The following DNM1 variants were observed in gnomAD, a reference collection of about 807,000 sequenced individuals.
The protein encoded by DNM1 is dynamin-1.
DNM1 carries 29 observed loss-of-function variants against 104.6 expected under a neutral mutation model. The ratio of observed to expected loss-of-function variants is 0.28; its 90% CI spans 0.21 to 0.38. The LOEUF (loss-of-function observed/expected upper bound fraction) is 0.38, where lower values mean the gene tolerates loss of function less well. DNM1 is among the 10% of genes least tolerant of loss of function. DNM1 has a pLI of 1.00. For missense variants in DNM1, 640 were observed against 1,189.4 expected (o/e 0.54, Z 6.79); for synonymous variants, 445 against 475.8 (o/e 0.94, Z 0.84).
At chr9:128,244,343 T>C (rs927771871) in intron 15 of DNM1, among the ~76,000 whole-genome samples, 1 of 151,688 alleles carries the variant, frequency 6.6e-6, no homozygotes, top group African/African-American at 2.4e-5. Context: ...GGGCTGTGAG[T>C]GTCAAGGTGC....
At chr9:128,252,604 G>A (rs1156460957) in intron 21 of DNM1, 1 of 396,778 alleles carries the variant, frequency 2.5e-6, no homozygotes, top group Non-Finnish European at 5.1e-6. Context: ...GCAAGGTGGA[G>A]AACCTTCAAA....
rs1316212573 is a variant in DNM1, at chr9:128,218,630, A to G, written c.284A>G (p.Glu95Gly). 4 of 1,613,682 alleles carry G rather than the reference A, an allele frequency of 2.5e-6. No homozygotes were observed. The South Asian group carries it at 3.3e-5, about 13-fold the overall frequency. The change falls in exon 3 of 22, where the codon GAG becomes GGG. Residue 95 changes from glutamate (E) to glycine (G), a missense_variant. Coordinates refer to ENST00000372923, the MANE Select transcript of DNM1 (RefSeq NM_004408.4). This position sits in a 1 kb window ranked among gnomAD's most constrained non-coding sequence, Gnocchi z 4.8. The part of the protein sequence containing the change: ...HCKGKKFTDF[E>G]EVRLEIEAET... ...AAGGGAAAGAAATTCACCGACTTCG[A>G]GGAGGTGCGCCTTGAGATCGAGGCC...
Position 128,218,775 on chromosome 9 carries a change from T to G in DNM1, c.385+44T>G. 1 of 1,552,534 alleles carries G rather than the reference T, an allele frequency of 6.4e-7. No homozygotes were observed. The highest frequency in any genetic ancestry group is 8.7e-7 in the Non-Finnish European group (1 of 1,146,630). ...CCCTAACCTCTAAGAATCATTTTCT[T>G]GGCCACGCACCTCTGCGTGCCTCGC... On this transcript the variant is annotated intron_variant, in intron 3 of 21. Transcript: ENST00000372923. This position sits in a 1 kb window ranked among gnomAD's most constrained non-coding sequence, Gnocchi z 4.8.
At chr9:128,219,871 G>C (rs558248078) in intron 4 of DNM1, 117 bp from the exon 5 acceptor site, 2 of 677,414 alleles carry the variant, frequency 3.0e-6, no homozygotes, top group Non-Finnish European at 5.0e-6. Flanking sequence ...GGGGGAAAGA[G>C]AGGAGGCAGT....
chr9:128,234,256 CT>C, intron 11 of DNM1, 149 bp downstream of exon 11: 1 of 678,756 alleles, frequency 1.5e-6, no homozygotes, highest in Non-Finnish European at 2.4e-6. Flanking sequence ...CTGCTTCTCT[CT>C]CTTTTTTATT....
At chr9:128,229,103 TA>T (rs1282380446) in intron 10 of DNM1, among the ~76,000 whole-genome samples, 1 of 152,132 alleles carries the variant, frequency 6.6e-6, no homozygotes, top group Non-Finnish European at 1.5e-5. Context: ...ATGCACCCAT[TA>T]AAATGTTTAT....
In DNM1 at chr9:128,245,882, C is replaced by T. The variant is rs760155545; in HGVS notation, c.1672-512C>T. ...GTTGGCACAAACACACAACTACACA[C>T]ATGTTGCACACACAGGCACACCATC... is the stretch of plus-strand genomic sequence containing the variant. On this transcript the variant is annotated intron_variant, in intron 15 of 21. Coordinates refer to ENST00000372923, the MANE Select transcript of DNM1 (RefSeq NM_004408.4). This position sits in a 1 kb window ranked among gnomAD's most constrained non-coding sequence, Gnocchi z 5.2. Among the ~76,000 whole-genome samples the T allele has an allele frequency of 1.6e-4, 25 of 152,242 alleles. No homozygotes were observed. The highest frequency in any genetic ancestry group is 1.3e-3 in the Admixed American group (20 of 15,288).
At chr9:128,234,422 G>A (rs1295949009) in intron 11 of DNM1, among the ~76,000 whole-genome samples, 1 of 152,200 alleles carries the variant, frequency 6.6e-6, no homozygotes, top group Non-Finnish European at 1.5e-5. Flanking sequence ...GAGTGCAGTG[G>A]TGTGATCTCT....
At chr9:128,214,965 TG>T (rs1326551914) in intron 1 of DNM1, among the ~76,000 whole-genome samples, 1 of 152,202 alleles carries the variant, frequency 6.6e-6, no homozygotes, top group Non-Finnish European at 1.5e-5. Context: ...AGGGCTAAAG[TG>T]GGACAGTGTG....
intron 4 of DNM1, 106 bp downstream of exon 4, chr9:128,219,358 A>T (rs1834803210): frequency 9.8e-7 from 1 of 1,018,524 alleles, no homozygotes; most frequent in Non-Finnish European, 1.5e-6. Context: ...CGGTGGGATC[A>T]GATTTGTACC....
rs2131312679 is a variant in DNM1, at chr9:128,254,407, T to G, written c.2535-247T>G. 7.0e-7 allele frequency: 1 copy of G among 1,425,922 alleles called. No individual in the cohort carries two copies. Among genetic ancestry groups the G allele is most frequent in the Admixed American group, 3.0e-5 (1 of 33,622 alleles). 88.3% of individuals were successfully genotyped at this position (1,425,922 alleles called of 1,614,324 possible). A position where few individuals can be genotyped will look rare whatever the true frequency, so the allele number is the denominator to read the frequency against. Reference sequence around the variant, plus strand: ...GTGTGAGAGGCCAGCGTGTGTGGGGTGGGGAGGGCCGCCACAGCCCCCAGG... The same window carrying G: ...GTGTGAGAGGCCAGCGTGTGTGGGGGGGGGAGGGCCGCCACAGCCCCCAGG... On this transcript the variant is annotated intron_variant, in intron 21 of 21. Transcript: ENST00000372923. This position sits in a 1 kb window ranked among gnomAD's most constrained non-coding sequence, Gnocchi z 6.1.
intron 15 of DNM1, 133 bp downstream of exon 15, chr9:128,242,478 G>A (rs1836429315): frequency 1.7e-6 from 1 of 584,942 alleles, no homozygotes; most frequent in Non-Finnish European, 3.0e-6. Flanking sequence ...TCCGTGGGCA[G>A]GCTGGGTGTG....
At position 128,254,871 on chromosome 9, in the gene DNM1, G is replaced by A; in HGVS notation, c.*157G>A. 1 of 651,228 alleles carries A rather than the reference G, an allele frequency of 1.5e-6. No homozygotes were observed. Among genetic ancestry groups the A allele is most frequent in the South Asian group, 1.9e-5 (1 of 53,176 alleles). 40.3% of individuals were successfully genotyped at this position (651,228 alleles called of 1,614,324 possible). On this transcript the variant is annotated 3_prime_UTR_variant, in exon 22 of 22. Transcript: ENST00000372923. This position sits in a 1 kb window ranked among gnomAD's most constrained non-coding sequence, Gnocchi z 6.1. ...GCTGATACATTCAGGTGTGACCGTT[G>A]GTGAAAACTTGTGCCCCTTCTGTGG...
At chr9:128,250,427 G>C in intron 20 of DNM1, 71 bp downstream of exon 20, 1 of 1,433,796 alleles carries the variant, frequency 7.0e-7, no homozygotes, top group Admixed American at 2.5e-5. Context: ...CCGGGACCGG[G>C]CAGTGGCGCG....
chr9:128,240,044 G>T lies in DNM1; in HGVS notation c.1557+48G>T. 6.2e-7 allele frequency: 1 copy of T among 1,610,938 alleles called. No individual in the cohort carries two copies. The highest frequency in any genetic ancestry group is 8.5e-7 in the Non-Finnish European group (1 of 1,177,288). On this transcript the variant is annotated intron_variant, in intron 14 of 21. Transcript: ENST00000372923. This position sits in a 1 kb window ranked among gnomAD's most constrained non-coding sequence, Gnocchi z 5.1. ...TCGGCTTGTGTAGTGAGGGGGCGGA[G>T]GGTCCATCGGCAGTGGGGATCTGCA...
chr9:128,219,364 G>A lies in DNM1; in HGVS notation c.589+112G>A, dbSNP rs558382277. The A allele has an allele frequency of 9.1e-6, 9 of 986,440 alleles. No individual in the cohort carries two copies. The South Asian group carries it at 1.3e-4, about 14-fold the overall frequency. The allele number at this position is 986,440 out of a possible 1,614,324, so 61.1% of individuals were successfully genotyped here. A position where few individuals can be genotyped will look rare whatever the true frequency, so the allele number is the denominator to read the frequency against. On this transcript the variant is annotated intron_variant, in intron 4 of 21. Coordinates refer to ENST00000372923, the MANE Select transcript of DNM1 (RefSeq NM_004408.4). The stretch of plus-strand genomic sequence containing the variant: ...TAAGAATAGCGGTGGGATCAGATTT[G>A]TACCTTTAAAAATCACTTTGGGGGT...
In DNM1 at chr9:128,212,324, C is replaced by A. The variant is rs370520434; in HGVS notation, c.162-5907C>A. On this transcript the variant is annotated intron_variant, in intron 1 of 21. Transcript: ENST00000372923. ...GATGCTGGTGATAAGAAATAAGGATCCATAGCTGGGCATGGTGGTGCACAC... is the reference window on the plus strand; with the variant it reads ...GATGCTGGTGATAAGAAATAAGGATACATAGCTGGGCATGGTGGTGCACAC... 4.4e-4 allele frequency among the ~76,000 whole-genome samples: 67 copies of A among 152,276 alleles called. No homozygotes were observed. The South Asian group carries it at 0.013, about 29-fold the overall frequency.
Position 128,240,376 on chromosome 9 carries a change from A to G in DNM1, c.1557+380A>G, listed in dbSNP as rs1836289433. On this transcript the variant is annotated intron_variant, in intron 14 of 21. Transcript: ENST00000372923. This position sits in a 1 kb window ranked among gnomAD's most constrained non-coding sequence, Gnocchi z 5.1. ...GAATGAAGAGACGAATGAGAAGTCA[A>G]GAGAAGTCAAGAAGTCACTGCTCAC... 2 of 254,284 alleles carry G rather than the reference A, an allele frequency of 7.9e-6. No homozygotes were observed. Among genetic ancestry groups the G allele is most frequent in the African/African-American group, 2.3e-5 (1 of 43,858 alleles). The allele number at this position is 254,284 out of a possible 1,614,324, so 15.8% of individuals were successfully genotyped here. A position where few individuals can be genotyped will look rare whatever the true frequency, so the allele number is the denominator to read the frequency against.
intron 1 of DNM1, among the ~76,000 whole-genome samples, chr9:128,211,740 A>G (rs1834315343): frequency 2.0e-5 from 3 of 151,590 alleles, no homozygotes; most frequent in East Asian, 1.9e-4. Context: ...ACATCAGCCA[A>G]CACCTCCTCT....
Sources: allele counts gnomAD v4.1 joint callset (sites outside exome capture counted in the v4.1 genomes callset), GRCh38; gene constraint gnomAD v4.1.1; non-coding constraint Gnocchi (gnomAD v3.1); transcripts MANE v1.5; gene names NCBI Gene and HGNC (gene_info 2026-07-23, HGNC 2026-07-21).